PGM3: variants seen among roughly 807,000 people sequenced by gnomAD.
PGM3 encodes phosphoglucomutase 3, also known as phosphoacetylglucosamine mutase.
PGM3 carries 40 observed loss-of-function variants against 66.2 expected under a neutral mutation model. The ratio of observed to expected loss-of-function variants is 0.60; its 90% CI spans 0.47 to 0.79. PGM3 has a LOEUF of 0.79. Ranked by LOEUF, PGM3 falls within the 30% of genes least tolerant of loss-of-function variation. PGM3 has a pLI of 0.00. For missense variants in PGM3, 537 were observed against 643.4 expected (o/e 0.83, Z 1.79); for synonymous variants, 191 against 224.2 (o/e 0.85, Z 1.32).
At chr6:83,185,767 ATAAATAAATAAG>A (rs1321770963) in intron 4 of PGM3, among the ~76,000 whole-genome samples, 3 of 152,126 alleles carry the variant, frequency 2.0e-5, no homozygotes, top group African/African-American at 4.8e-5. Flanking sequence ...CAAACAATAA[ATAAATAAATAAG>A]TAAATAAATA....
chr6:83,191,321 C>G, intron 1 of PGM3: 2 of 1,189,698 alleles, frequency 1.7e-6, no homozygotes, highest in Non-Finnish European at 2.4e-6. Flanking sequence ...GGTCCACTCT[C>G]AACTAAAATG....
chr6:83,190,647 A>G, intron 2 of PGM3, 162 bp downstream of exon 2: 1 of 616,922 alleles, frequency 1.6e-6, no homozygotes, highest in Non-Finnish European at 2.9e-6. Flanking sequence ...GAGCTTAATG[A>G]TCATGCTCTT....
At chr6:83,160,055 G>A, downstream of PGM3, 2 of 1,188,002 alleles carry the variant, frequency 1.7e-6, no homozygotes. Flanking sequence ...TTTTGTGTAA[G>A]TTGAAATATT....
At chr6:83,175,877 A>C in intron 9 of PGM3, 85 bp downstream of exon 9, 1 of 720,872 alleles carries the variant, frequency 1.4e-6, no homozygotes, top group East Asian at 2.5e-5. Flanking sequence ...AAAGTACAAT[A>C]TTACCTATTA....
chr6:83,185,736 C>T (rs1428350293), intron 4 of PGM3, among the ~76,000 whole-genome samples: 3 of 151,528 alleles, frequency 2.0e-5, no homozygotes, highest in African/African-American at 4.9e-5. Context: ...TCCAGCCTGG[C>T]GACAAAGTGA....
rs1161401907 is a variant in PGM3, at chr6:83,167,116, A to G, written c.*2118T>C. Reference sequence around the variant, plus strand: ...TTTATATTTAGTTGACAGAGTTTTCACATACCTTCTCATTTGACTTCTCTA... The same window carrying G: ...TTTATATTTAGTTGACAGAGTTTTCGCATACCTTCTCATTTGACTTCTCTA... On this transcript the variant is annotated 3_prime_UTR_variant, in exon 13 of 13. Transcript: ENST00000513973. 3.1e-6 allele frequency: 3 copies of G among 968,598 alleles called. No homozygotes were observed. Among genetic ancestry groups the G allele is most frequent in the Non-Finnish European group, 3.7e-6 (3 of 814,714 alleles). The allele number at this position is 968,598 out of a possible 1,614,324, so 60.0% of individuals were successfully genotyped here. A position where few individuals can be genotyped will look rare whatever the true frequency, so the allele number is the denominator to read the frequency against.
At position 83,191,254 on chromosome 6, in the gene PGM3, CCA is replaced by C. The variant is rs1236597304; in HGVS notation, c.-2-242_-2-241del. The C allele has an allele frequency of 5.2e-6, 8 of 1,534,660 alleles. No homozygotes were observed. In the African/African-American group the frequency reaches 1.1e-4, roughly 21 times the overall value. The stretch of plus-strand genomic sequence containing the variant: ...ACTCAGGGCAGATAGCAGATTGTCC[CCA>C]CTCTCCTCCCATTTTAGCTCCAGGA... On this transcript the variant is annotated intron_variant, in intron 1 of 12. Coordinates refer to ENST00000513973, the MANE Select transcript of PGM3 (RefSeq NM_015599.3).
chr6:83,171,477 A>C lies in PGM3; in HGVS notation c.1365+460T>G. 2 of 152,240 alleles carry C rather than the reference A, an allele frequency of 1.3e-5. 1 individual carries two copies. The highest frequency in any genetic ancestry group is 3.9e-4 in the East Asian group (2 of 5,194). The allele number at this position is 152,240 out of a possible 1,614,324, so 9.4% of individuals were successfully genotyped here. On this transcript the variant is annotated intron_variant, in intron 11 of 12. Coordinates refer to ENST00000513973, the MANE Select transcript of PGM3 (RefSeq NM_015599.3). Reference sequence around the variant, plus strand: ...TTTTTTTCAGCTGTAAGAGAATACAATTAGGTATCATAAGGCCTTCTTTTT... The same window carrying C: ...TTTTTTTCAGCTGTAAGAGAATACACTTAGGTATCATAAGGCCTTCTTTTT...
At chr6:83,176,167 G>A (rs1040302332) in intron 8 of PGM3, 107 bp from the exon 9 acceptor site, 2 of 673,460 alleles carry the variant, frequency 3.0e-6, no homozygotes, top group Non-Finnish European at 5.5e-6. Flanking sequence ...CTGGGGCCGA[G>A]TCCAGTGAGG....
intron 3 of PGM3, among the ~76,000 whole-genome samples, chr6:83,187,313 T>C (rs1489297267): frequency 6.6e-6 from 1 of 152,196 alleles, no homozygotes; most frequent in Non-Finnish European, 1.5e-5. Flanking sequence ...AAAATAGATA[T>C]AAAGGACACT....
chr6:83,181,819 T>G lies in PGM3; in HGVS notation c.704A>C (p.Gln235Pro), dbSNP rs771088882. The G allele has an allele frequency of 4.3e-6, 7 of 1,614,062 alleles. No homozygotes were observed. The highest frequency in any genetic ancestry group is 1.3e-5 in the African/African-American group (1 of 75,032). ...EHYFSQGLSV[Q>P]LFNDGSKGKL... ...GCCCTTGGACCCATCATTAAACAGC[T>G]GAACTGACAGGCCCTGTGAGAAGTA... The change falls in exon 6 of 13, where the codon CAG becomes CCG. Residue 235 changes from glutamine to proline, a missense_variant. Gln to Pro is a moderately conservative substitution (Grantham distance 76, BLOSUM62 -1). Transcript: ENST00000513973.
At chr6:83,156,400 A>T (rs1162197753), downstream of PGM3, among the ~76,000 whole-genome samples, 2 of 152,320 alleles carry the variant, frequency 1.3e-5, no homozygotes, top group East Asian at 1.9e-4. Flanking sequence ...TCATGTTAGC[A>T]TGTTCTCCTT....
intron 7 of PGM3, 72 bp from the exon 8 acceptor site, chr6:83,178,828 T>G (rs1787964974): frequency 2.2e-6 from 2 of 896,372 alleles, no homozygotes; most frequent in African/African-American, 3.3e-5. Flanking sequence ...ATGAGAGTTC[T>G]AAAGGCTACC....
At chr6:83,172,785 A>T (rs749915930) in intron 10 of PGM3, among the ~76,000 whole-genome samples, 1 of 152,208 alleles carries the variant, frequency 6.6e-6, no homozygotes, top group Non-Finnish European at 1.5e-5. Flanking sequence ...CATGCATGCC[A>T]GATATGTATC....
At chr6:83,191,809 C>A (rs1263559459) in intron 1 of PGM3, among the ~76,000 whole-genome samples, 1 of 150,708 alleles carries the variant, frequency 6.6e-6, no homozygotes, top group Admixed American at 6.6e-5. Flanking sequence ...GCCAACATGG[C>A]GAAACCGCCT....
chr6:83,178,188 T>C (rs575730542), intron 8 of PGM3, among the ~76,000 whole-genome samples: 86 of 152,380 alleles, frequency 5.6e-4, no homozygotes, highest in African/African-American at 2.0e-3. Flanking sequence ...GTAATAGGGA[T>C]GGCCACCTGT....
At chr6:83,183,206 C>G (rs912842894) in intron 4 of PGM3, among the ~76,000 whole-genome samples, 4 of 152,030 alleles carry the variant, frequency 2.6e-5, no homozygotes, top group African/African-American at 9.7e-5. Flanking sequence ...GCAATACAGA[C>G]AAGTAATAAT....
downstream of PGM3, among the ~76,000 whole-genome samples, chr6:83,157,801 G>T (rs189627884): frequency 1.3e-5 from 2 of 152,122 alleles, no homozygotes; most frequent in East Asian, 3.9e-4. Context: ...CTACCAAACG[G>T]TAAAACCTTC....
intron 4 of PGM3, among the ~76,000 whole-genome samples, chr6:83,186,408 G>C (rs1389845939): frequency 6.6e-6 from 1 of 152,180 alleles, no homozygotes; most frequent in Non-Finnish European, 1.5e-5. Context: ...CGGAACTCGA[G>C]AGGAGGTTTC....
Sources: gnomAD v4.1 joint callset for allele counts (sites outside exome capture counted in the v4.1 genomes callset) on GRCh38, gnomAD v4.1.1 for gene constraint, MANE v1.5 for transcripts, NCBI Gene and HGNC (gene_info 2026-07-23, HGNC 2026-07-21) for gene names.